The following AFDN variants were observed in gnomAD, a reference collection of about 807,000 sequenced individuals.
AFDN encodes afadin, adherens junction formation factor.
Under a neutral mutation model 216.6 loss-of-function variants are expected in AFDN, and 68 were observed. The observed-to-expected ratio is 0.31, with a 90% confidence interval of 0.26 to 0.38. The LOEUF is 0.38. Ranked by LOEUF, AFDN falls within the 10% of genes least tolerant of loss-of-function variation. The pLI, the probability that AFDN is intolerant of heterozygous loss-of-function variation, is 1.00. For missense variants in AFDN, 2,136 were observed against 2,342.0 expected, an observed-to-expected ratio of 0.91 and a Z score of 1.82; for synonymous variants, 868 against 853.7, an observed-to-expected ratio of 1.02 and a Z score of -0.29.
chr6:167,968,792 C>T (rs184756183), intron 32 of AFDN: 15 of 278,390 alleles, frequency 5.4e-5, no homozygotes, highest in Admixed American at 3.6e-4. Context: ...GCAAATGTTG[C>T]CGATGGGTTG....
In AFDN at chr6:167,969,888, GCTT is replaced by G. The variant is rs1216428052; in HGVS notation, c.5452_5454del (p.Ser1818del). 8 of 1,612,186 alleles carry G rather than the reference GCTT, an allele frequency of 5.0e-6. No homozygotes were observed. The highest frequency in any genetic ancestry group is 6.8e-6 in the Non-Finnish European group (8 of 1,179,468). On this transcript the variant is annotated inframe_deletion, in exon 34 of 34. Transcript: ENST00000683244. ...TCAAGATGTATCCAATAAAGTGAAA[GCTT>G]CTCGTAAATTAACAGAACTGGAGAA...
intron 22 of AFDN, chr6:167,924,799 T>A (rs2128513527): frequency 1.7e-6 from 1 of 583,636 alleles, no homozygotes; most frequent in East Asian, 3.2e-5. Context: ...TCTTTAAGAC[T>A]TGAGTCAAGA....
At chr6:167,849,648 A>G (rs1052609528) in intron 1 of AFDN, among the ~76,000 whole-genome samples, 7 of 152,164 alleles carry the variant, frequency 4.6e-5, no homozygotes, top group Non-Finnish European at 7.4e-5. Context: ...TTAGAAATCT[A>G]TATGTGTATG....
At chr6:167,849,089 C>T (rs192649997) in intron 1 of AFDN, among the ~76,000 whole-genome samples, 2 of 152,250 alleles carry the variant, frequency 1.3e-5, no homozygotes, top group African/African-American at 2.4e-5. Context: ...CCTTAGGCCC[C>T]GTTTCTTCAT....
chr6:167,850,414 T>G (rs912260280), intron 1 of AFDN, among the ~76,000 whole-genome samples: 2 of 152,204 alleles, frequency 1.3e-5, no homozygotes, highest in African/African-American at 4.8e-5. Flanking sequence ...AGTTTTTTTT[T>G]CTTAATTGGA....
rs776533502 is a variant in AFDN, at chr6:167,918,796, A to G, written c.2771A>G (p.Asp924Gly). 3 of 1,613,446 alleles carry G rather than the reference A, an allele frequency of 1.9e-6. No homozygotes were observed. The highest frequency in any genetic ancestry group is 2.5e-6 in the Non-Finnish European group (3 of 1,179,572). ...ENTADELARSDGREVQLEEDP... is the reference protein window; with the variant it reads ...ENTADELARSGGREVQLEEDP... Reference sequence around the variant, plus strand: ...ACTGCCGATGAGCTGGCCCGCAGTGATGGAAGGGAAGTGCAGTTGGAGGAG... The same window carrying G: ...ACTGCCGATGAGCTGGCCCGCAGTGGTGGAAGGGAAGTGCAGTTGGAGGAG... Residue 924 changes from aspartate (D) to glycine (G), a missense_variant, in exon 21 of 34, where the codon GAT (aspartate) becomes GGT (glycine). Transcript: ENST00000683244.
At chr6:167,886,131 T>C (rs1193035739) in intron 6 of AFDN, among the ~76,000 whole-genome samples, 2 of 152,150 alleles carry the variant, frequency 1.3e-5, no homozygotes, top group African/African-American at 2.4e-5. Flanking sequence ...TGTATTTGAA[T>C]TTTTTTACAG....
chr6:167,892,933 A>G (rs1215691812), intron 8 of AFDN, among the ~76,000 whole-genome samples: 1 of 152,318 alleles, frequency 6.6e-6, no homozygotes, highest in African/African-American at 2.4e-5. Context: ...TGCTGCCTTC[A>G]GTCAGCATTC....
At chr6:167,840,730 C>G (rs1470162982) in intron 1 of AFDN, among the ~76,000 whole-genome samples, 1 of 152,054 alleles carries the variant, frequency 6.6e-6, no homozygotes, top group Non-Finnish European at 1.5e-5. Context: ...GGCTGAGGAG[C>G]CAGTTGCCAG....
intron 24 of AFDN, 39 bp downstream of exon 24, chr6:167,943,233 CAT>C (rs753902964): frequency 7.7e-6 from 12 of 1,567,174 alleles, no homozygotes; most frequent in South Asian, 3.4e-5. Flanking sequence ...TTCAGTGTGT[CAT>C]ATATTCAGCA....
chr6:167,866,895 G>A (rs147503299), intron 2 of AFDN, among the ~76,000 whole-genome samples: 3 of 152,258 alleles, frequency 2.0e-5, no homozygotes, highest in South Asian at 2.1e-4. Flanking sequence ...TTTGCATACC[G>A]CAGCCCTAGT....
At chr6:167,838,759 G>C (rs1339111610) in intron 1 of AFDN, among the ~76,000 whole-genome samples, 1 of 152,140 alleles carries the variant, frequency 6.6e-6, no homozygotes, top group Non-Finnish European at 1.5e-5. Flanking sequence ...AGTGAAGCTT[G>C]GCGAGTAACC....
chr6:167,958,426 A>G (rs1796725859), intron 30 of AFDN, among the ~76,000 whole-genome samples: 1 of 152,186 alleles, frequency 6.6e-6, no homozygotes, highest in Non-Finnish European at 1.5e-5. Flanking sequence ...AGGACACAAA[A>G]ATGCCTCTTT....
intron 21 of AFDN, among the ~76,000 whole-genome samples, chr6:167,920,889 T>G (rs1292657881): frequency 6.6e-6 from 1 of 152,184 alleles, no homozygotes; most frequent in Non-Finnish European, 1.5e-5. Context: ...TTAACATGTC[T>G]TCCCCACACT....
At position 167,854,723 on chromosome 6, in the gene AFDN, T is replaced by G. The variant is rs145150012; in HGVS notation, c.106-9828T>G. Among the ~76,000 whole-genome samples the G allele has an allele frequency of 3.8e-3, 574 of 151,604 alleles. 2 individuals carry two copies. Among genetic ancestry groups the G allele is most frequent in the African/African-American group, 0.013 (539 of 41,362 alleles). On this transcript the variant is annotated intron_variant, in intron 1 of 33. Coordinates refer to ENST00000683244, the MANE Select transcript of AFDN (RefSeq NM_001386888.1). ...GAGACCCACCTAAAAGTCTAGACTT[T>G]TTCTTTCATTTATGTCAAGGTGGTG...
chr6:167,875,594 G>A (rs2128275551), intron 5 of AFDN, 99 bp downstream of exon 5: 2 of 1,251,172 alleles, frequency 1.6e-6, no homozygotes, highest in Non-Finnish European at 2.2e-6. Flanking sequence ...AGCAATGGGT[G>A]GTGTAACCTT....
chr6:167,891,404 G>T (rs1486248357), intron 8 of AFDN, among the ~76,000 whole-genome samples: 3 of 138,072 alleles, frequency 2.2e-5, no homozygotes, highest in African/African-American at 8.7e-5. Flanking sequence ...TTCATAAAGG[G>T]GTGGGTGTGT....
chr6:167,913,460 G>A, intron 16 of AFDN, 37 bp downstream of exon 16: 1 of 1,532,564 alleles, frequency 6.5e-7, no homozygotes, highest in Non-Finnish European at 8.7e-7. Context: ...TAGCTGTGTT[G>A]CTTAGCCAAG....
intron 23 of AFDN, among the ~76,000 whole-genome samples, chr6:167,929,360 A>G (rs536318080): frequency 6.6e-6 from 1 of 152,284 alleles, no homozygotes; most frequent in South Asian, 2.1e-4. Flanking sequence ...TTGGGGCTTA[A>G]TGGGGCATAG....
Sources: gnomAD v4.1 joint callset for allele counts (sites outside exome capture counted in the v4.1 genomes callset) on GRCh38, gnomAD v4.1.1 for gene constraint, MANE v1.5 for transcripts, NCBI Gene and HGNC (gene_info 2026-07-23, HGNC 2026-07-21) for gene names.